The following MRE11 variants were observed in gnomAD, a reference collection of about 807,000 sequenced individuals.
The protein encoded by MRE11 is double-strand break repair protein MRE11.
MRE11 carries 62 observed loss-of-function variants against 91.7 expected under a neutral mutation model. The ratio of observed to expected loss-of-function variants is 0.68; its 90% CI spans 0.55 to 0.84. The LOEUF is 0.84. Ranked by LOEUF, MRE11 falls within the 40% of genes least tolerant of loss-of-function variation. The pLI, the probability that MRE11 is intolerant of heterozygous loss-of-function variation, is 0.00. For synonymous variants in MRE11, 273 were observed against 271.4 expected, an observed-to-expected ratio of 1.01 and a Z score of -0.06; for missense variants, 796 against 852.9, an observed-to-expected ratio of 0.93 and a Z score of 0.83.
chr11:94,425,483 G>A (rs1273671101), intron 19 of MRE11, among the ~76,000 whole-genome samples: 2 of 152,112 alleles, frequency 1.3e-5, no homozygotes, highest in Admixed American at 1.3e-4. Flanking sequence ...TGGCAGGATC[G>A]AAATCTCATA....
the MRE11 span, among the ~76,000 whole-genome samples, chr11:94,500,860 T>C: frequency 6.6e-6 from 1 of 152,282 alleles, no homozygotes; most frequent in East Asian, 1.9e-4. Flanking sequence ...AAAATCATGA[T>C]CAGAAGAAGC....
intron 18 of MRE11, among the ~76,000 whole-genome samples, chr11:94,431,579 A>G (rs947006404): frequency 1.4e-4 from 21 of 152,220 alleles, no homozygotes; most frequent in Non-Finnish European, 2.9e-5. Context: ...CATACCAAGA[A>G]GCAACAACAG....
chr11:94,486,632 T>C (rs1478476505), intron 3 of MRE11, among the ~76,000 whole-genome samples: 1 of 152,192 alleles, frequency 6.6e-6, no homozygotes, highest in East Asian at 1.9e-4. Flanking sequence ...AGGCAAACTG[T>C]TATACATTTA....
Position 94,459,933 on chromosome 11 carries a change from G to GCAT in MRE11, c.1327-353_1327-352insATG, listed in dbSNP as rs1946371430. On this transcript the variant is annotated intron_variant, in intron 12 of 19. Coordinates refer to ENST00000323929, the MANE Select transcript of MRE11 (RefSeq NM_005591.4). ...TGAATACATGGCAAAGAGGAACAAAGGTTGCTAATCAGCTGTCTGTAAAAT... is the reference window on the plus strand; with the variant it reads ...TGAATACATGGCAAAGAGGAACAAAGCATGTTGCTAATCAGCTGTCTGTAAAAT... Among the ~76,000 whole-genome samples the GCAT allele has an allele frequency of 5.9e-5, 9 of 152,260 alleles. No homozygotes were observed. The South Asian group carries it at 1.7e-3, about 28-fold the overall frequency.
At chr11:94,427,082 GAC>G (rs1945343002) in intron 19 of MRE11, among the ~76,000 whole-genome samples, 1 of 152,132 alleles carries the variant, frequency 6.6e-6, no homozygotes, top group South Asian at 2.1e-4. Context: ...ATCTGGCAGA[GAC>G]ACAACAAAAC....
At chr11:94,508,989 T>C in the MRE11 span, among the ~76,000 whole-genome samples, 1 of 152,262 alleles carries the variant, frequency 6.6e-6, no homozygotes, top group African/African-American at 2.4e-5. Context: ...CTCAAACTCT[T>C]GACCTCGTGA....
chr11:94,432,084 G>A (rs546956335), intron 18 of MRE11, among the ~76,000 whole-genome samples: 1 of 152,092 alleles, frequency 6.6e-6, no homozygotes, highest in African/African-American at 2.4e-5. Context: ...GAGGTATCCC[G>A]ATAATCTTCC....
intron 7 of MRE11, among the ~76,000 whole-genome samples, chr11:94,474,373 A>C (rs1039368843): frequency 1.3e-5 from 2 of 152,168 alleles, no homozygotes; most frequent in East Asian, 1.9e-4. Context: ...CAATGGTCAA[A>C]GCTGCAACAA....
At chr11:94,420,322 C>A in intron 19 of MRE11, 141 bp from the exon 20 acceptor site, 1 of 628,294 alleles carries the variant, frequency 1.6e-6, no homozygotes, top group Non-Finnish European at 2.8e-6. Flanking sequence ...TTTATAACTG[C>A]AAAATATATT....
rs138941546 is a variant in MRE11, at chr11:94,449,087, G to A, written c.1564-1649C>T. Among the ~76,000 whole-genome samples, 409 of 152,238 alleles carry A rather than the reference G, an allele frequency of 2.7e-3. 4 individuals are homozygous for A. The highest frequency in any genetic ancestry group is 9.4e-3 in the African/African-American group (390 of 41,536). On this transcript the variant is annotated intron_variant, in intron 14 of 19. Transcript: ENST00000323929. ...CTCTTGCTTGGAATGGCAGTTCTGG[G>A]TCTAAGAATAGCTGACCAGAACATT...
At chr11:94,467,758 T>C (rs1484541092) in intron 10 of MRE11, 55 bp downstream of exon 10, 5 of 1,435,310 alleles carry the variant, frequency 3.5e-6, no homozygotes, top group Admixed American at 1.7e-5. Flanking sequence ...ATGTAAACTG[T>C]ACATTACTAT....
At chr11:94,499,493 G>A in the MRE11 span, 1 of 151,570 alleles carries the variant, frequency 6.6e-6, no homozygotes, top group Admixed American at 6.6e-5. Context: ...AAGTGGCTCA[G>A]GCTTTAAAAA....
chr11:94,456,099 C>A (rs1049659473), intron 14 of MRE11, among the ~76,000 whole-genome samples, 177 bp downstream of exon 14: 12 of 152,110 alleles, frequency 7.9e-5, no homozygotes, highest in Non-Finnish European at 1.2e-4. Context: ...AAAAAAAGAG[C>A]AATGAGCAGA....
intron 14 of MRE11, among the ~76,000 whole-genome samples, chr11:94,448,085 CT>C (rs1429652079): frequency 3.3e-5 from 5 of 152,046 alleles, no homozygotes; most frequent in Non-Finnish European, 5.9e-5. Context: ...ATTTGAGCTA[CT>C]TTTTAGAATC....
chr11:94,482,044 G>A (rs1366948947), intron 4 of MRE11, among the ~76,000 whole-genome samples: 1 of 152,110 alleles, frequency 6.6e-6, no homozygotes, highest in Non-Finnish European at 1.5e-5. Context: ...CCAAGTTGCT[G>A]AAAAACAATA....
At chr11:94,446,031 A>G (rs949512383) in intron 15 of MRE11, 138 bp from the exon 16 acceptor site, 4 of 682,104 alleles carry the variant, frequency 5.9e-6, no homozygotes, top group East Asian at 2.6e-5. Context: ...TATAAGAACA[A>G]ACATCTAGAG....
At chr11:94,477,855 C>T (rs1386172767) in intron 6 of MRE11, among the ~76,000 whole-genome samples, 1 of 152,168 alleles carries the variant, frequency 6.6e-6, no homozygotes, top group Non-Finnish European at 1.5e-5. Flanking sequence ...GCAAGGAGAA[C>T]AGTGATCCCC....
chr11:94,421,145 C>A (rs1945160785), intron 19 of MRE11, among the ~76,000 whole-genome samples: 1 of 151,928 alleles, frequency 6.6e-6, no homozygotes, highest in Admixed American at 6.6e-5. Context: ...TGAAAACAAA[C>A]CTCAGATAAG....
intron 19 of MRE11, among the ~76,000 whole-genome samples, chr11:94,426,737 C>T (rs1945330795): frequency 2.0e-5 from 3 of 152,184 alleles, no homozygotes; most frequent in South Asian, 4.2e-4. Flanking sequence ...CAATTGACCC[C>T]ACAGAAATAC....
Sources: allele counts gnomAD v4.1 joint callset (sites outside exome capture counted in the v4.1 genomes callset), GRCh38; gene constraint gnomAD v4.1.1; transcripts MANE v1.5; gene names NCBI Gene and HGNC (gene_info 2026-07-23, HGNC 2026-07-21).